LDB2: variants seen among roughly 807,000 people sequenced by gnomAD.
The protein encoded by LDB2 is LIM domain binding 2, also known as LIM domain-binding protein 2.
Under a neutral mutation model 44.3 loss-of-function variants are expected in LDB2, and 12 were observed. That is an observed-to-expected ratio of 0.27 (90% confidence interval 0.17 to 0.44). The LOEUF is 0.44. Ranked by LOEUF, LDB2 falls within the 20% of genes least tolerant of loss-of-function variation. The probability of loss-of-function intolerance (pLI) is 1.00; values close to 1 mark genes in which losing one functional copy is unlikely to be tolerated. For synonymous variants in LDB2, 164 were observed against 174.8 expected, an observed-to-expected ratio of 0.94 and a Z score of 0.49; for missense variants, 344 against 473.5, an observed-to-expected ratio of 0.73 and a Z score of 2.54.
intron 1 of LDB2, among the ~76,000 whole-genome samples, chr4:16,880,948 G>A (rs1022927039): frequency 6.6e-6 from 1 of 150,922 alleles, no homozygotes; most frequent in Non-Finnish European, 1.5e-5. Flanking sequence ...GGAGCCAGGT[G>A]AGGTTCCCAA....
intron 1 of LDB2, among the ~76,000 whole-genome samples, chr4:16,872,934 C>G (rs2110357235): frequency 6.6e-6 from 1 of 152,244 alleles, no homozygotes; most frequent in Non-Finnish European, 1.5e-5. Flanking sequence ...TGTCGGGGAG[C>G]CCACGTGCTT....
chr4:16,759,861 G>A (rs1409499202), intron 1 of LDB2, among the ~76,000 whole-genome samples: 1 of 152,194 alleles, frequency 6.6e-6, no homozygotes, highest in East Asian at 1.9e-4. Flanking sequence ...CCACTAGCTT[G>A]TTGTTAAAAA....
intron 1 of LDB2, among the ~76,000 whole-genome samples, chr4:16,891,305 T>TA (rs1723313102): frequency 6.3e-5 from 3 of 47,580 alleles, no homozygotes; most frequent in Non-Finnish European, 8.2e-5. Context: ...TTAAGTATTC[T>TA]TTTTTTTTTT....
intron 2 of LDB2, among the ~76,000 whole-genome samples, chr4:16,678,146 A>G (rs1746817386): frequency 6.6e-6 from 1 of 152,226 alleles, no homozygotes; most frequent in Non-Finnish European, 1.5e-5. Context: ...CAGACTGGCC[A>G]ACCCTAAAAA....
At chr4:16,856,911 G>T (rs1789464363) in intron 1 of LDB2, among the ~76,000 whole-genome samples, 1 of 152,164 alleles carries the variant, frequency 6.6e-6, no homozygotes, top group Admixed American at 6.5e-5. Context: ...TAACCTAAAT[G>T]TTCAGAGACA....
In LDB2 at chr4:16,759,175, T is replaced by C; in HGVS notation, c.218A>G (p.Asp73Gly). ...ATLTLSFCLE[D>G]GPKRYTIGRT... ...TTTCTTACTGTATCGCTTTGGTCCA[T>C]CTTCCAAACAAAATGAAAGGGTTAA... Residue 73 changes from aspartate to glycine, a missense_variant, in exon 2 of 8, where the codon GAT (aspartate) becomes GGT (glycine). By Grantham distance (94) the Asp-to-Gly change is moderately conservative. Coordinates refer to ENST00000304523, the MANE Select transcript of LDB2 (RefSeq NM_001290.5). The C allele has an allele frequency of 6.2e-7, 1 of 1,613,370 alleles. No homozygotes were observed. The highest frequency in any genetic ancestry group is 8.5e-7 in the Non-Finnish European group (1 of 1,179,262).
intron 2 of LDB2, among the ~76,000 whole-genome samples, chr4:16,703,541 C>T (rs1276141124): frequency 6.6e-6 from 1 of 152,172 alleles, no homozygotes; most frequent in African/African-American, 2.4e-5. Context: ...GTGTCTACTG[C>T]CGATTGGCTG....
intron 1 of LDB2, among the ~76,000 whole-genome samples, chr4:16,807,794 C>A (rs534873337): frequency 1.9e-4 from 29 of 152,296 alleles, no homozygotes; most frequent in African/African-American, 6.5e-4. Flanking sequence ...TCTTGATTTG[C>A]ATCTATCCTT....
intron 1 of LDB2, among the ~76,000 whole-genome samples, chr4:16,840,044 T>C (rs911241694): frequency 6.6e-6 from 1 of 152,214 alleles, no homozygotes; most frequent in East Asian, 1.9e-4. Flanking sequence ...ATACATACTA[T>C]GTCTATAGCC....
At chr4:16,526,172 G>A (rs765052777) in intron 5 of LDB2, among the ~76,000 whole-genome samples, 2 of 152,198 alleles carry the variant, frequency 1.3e-5, no homozygotes, top group African/African-American at 2.4e-5. Context: ...TGCTGTCAAT[G>A]TGAGCAGACA....
chr4:16,876,111 A>G (rs1460002259), intron 1 of LDB2, among the ~76,000 whole-genome samples: 1 of 152,186 alleles, frequency 6.6e-6, no homozygotes, highest in African/African-American at 2.4e-5. Context: ...TCACAAAATC[A>G]TCTTGCATTA....
chr4:16,690,816 T>C (rs959466495), intron 2 of LDB2, among the ~76,000 whole-genome samples: 1 of 152,110 alleles, frequency 6.6e-6, no homozygotes, highest in Non-Finnish European at 1.5e-5. Flanking sequence ...TGTGGTAAAC[T>C]TCTTAAACCT....
intron 2 of LDB2, among the ~76,000 whole-genome samples, chr4:16,644,158 A>G (rs1167610430): frequency 1.3e-5 from 2 of 152,214 alleles, no homozygotes; most frequent in African/African-American, 4.8e-5. Context: ...CTCTGTTTAT[A>G]CCTTGGAAGA....
chr4:16,553,414 G>A (rs996777924), intron 5 of LDB2, among the ~76,000 whole-genome samples: 6 of 152,006 alleles, frequency 3.9e-5, no homozygotes, highest in African/African-American at 9.7e-5. Flanking sequence ...CTCCCACCTC[G>A]GCCTTCCAAA....
chr4:16,550,295 T>C (rs1042890261), intron 5 of LDB2, among the ~76,000 whole-genome samples: 1 of 152,210 alleles, frequency 6.6e-6, no homozygotes, highest in African/African-American at 2.4e-5. Context: ...CTATACCCAA[T>C]AAATCATTGT....
chr4:16,718,166 G>A (rs1757483823), intron 2 of LDB2, among the ~76,000 whole-genome samples: 1 of 152,012 alleles, frequency 6.6e-6, no homozygotes, highest in Admixed American at 6.6e-5. Flanking sequence ...CCAAAGAATG[G>A]TCTATTCAGC....
chr4:16,684,091 A>C (rs1042944981), intron 2 of LDB2, among the ~76,000 whole-genome samples: 5 of 152,212 alleles, frequency 3.3e-5, no homozygotes, highest in African/African-American at 1.2e-4. Flanking sequence ...TCCTCCATGG[A>C]AAATGGGAAC....
chr4:16,607,825 G>T (rs1724360822), intron 2 of LDB2, among the ~76,000 whole-genome samples: 1 of 152,158 alleles, frequency 6.6e-6, no homozygotes, highest in African/African-American at 2.4e-5. Context: ...TGTTTGGCAA[G>T]TGGATAAATG....
chr4:16,605,480 CA>C (rs199529054), intron 2 of LDB2, among the ~76,000 whole-genome samples: 65 of 149,360 alleles, frequency 4.4e-4, no homozygotes, highest in African/African-American at 1.5e-3. Flanking sequence ...AACAAAAAAA[CA>C]AAAAAAACAC....
Sources: allele counts gnomAD v4.1 joint callset (sites outside exome capture counted in the v4.1 genomes callset), GRCh38; gene constraint gnomAD v4.1.1; transcripts MANE v1.5; gene names NCBI Gene and HGNC (gene_info 2026-07-23, HGNC 2026-07-21).